SGCZ: variants seen among roughly 807,000 people sequenced by gnomAD.
SGCZ encodes zeta-sarcoglycan.
Under a neutral mutation model 41.3 loss-of-function variants are expected in SGCZ, and 40 were observed. That is an observed-to-expected ratio of 0.97 (90% confidence interval 0.75 to 1.26). The LOEUF is 1.26. Among genes scored for constraint, SGCZ ranks in the 50% most tolerant of loss-of-function variants. The pLI, the probability that SGCZ is intolerant of heterozygous loss-of-function variation, is 0.00. For synonymous variants in SGCZ, 206 were observed against 137.5 expected (o/e 1.50, Z -3.49); for missense variants, 552 against 369.8 (o/e 1.49, Z -4.04).
Position 14,379,985 on chromosome 8 carries a change from G to A in SGCZ, c.235-55781C>T, listed in dbSNP as rs190991920. On this transcript the variant is annotated intron_variant, in intron 2 of 7. Coordinates refer to ENST00000382080, the MANE Select transcript of SGCZ (RefSeq NM_139167.4). Reference sequence around the variant, plus strand: ...CGACCTCAGGTGATCCACCCACCTCGGCCTCCGAAGTGCTGGGATTACAGG... The same window carrying A: ...CGACCTCAGGTGATCCACCCACCTCAGCCTCCGAAGTGCTGGGATTACAGG... Among the ~76,000 whole-genome samples the A allele has an allele frequency of 2.9e-3, 441 of 152,218 alleles. 7 individuals carry two copies. The highest frequency in any genetic ancestry group is 0.026 in the East Asian group (134 of 5,184).
intron 1 of SGCZ, among the ~76,000 whole-genome samples, chr8:14,618,602 C>A (rs1375303312): frequency 1.3e-5 from 2 of 152,052 alleles, no homozygotes; most frequent in African/African-American, 4.8e-5. Flanking sequence ...ATTCAAAAGA[C>A]TTTATCTTTT....
At chr8:14,854,439 T>C (rs1188582817) in intron 1 of SGCZ, among the ~76,000 whole-genome samples, 1 of 152,038 alleles carries the variant, frequency 6.6e-6, no homozygotes, top group East Asian at 1.9e-4. Flanking sequence ...AAGATAAAAA[T>C]ATACACATTT....
At chr8:14,195,787 G>A (rs1805248482) in intron 4 of SGCZ, among the ~76,000 whole-genome samples, 1 of 152,036 alleles carries the variant, frequency 6.6e-6, no homozygotes, top group South Asian at 2.1e-4. Flanking sequence ...AACAATGGAT[G>A]ACTCCCAATT....
chr8:14,287,144 T>TC (rs398112235), intron 3 of SGCZ, among the ~76,000 whole-genome samples: 1 of 151,368 alleles, frequency 6.6e-6, no homozygotes, highest in Non-Finnish European at 1.5e-5. Context: ...CAGTATTTTT[T>TC]AAAGCATATT....
chr8:14,743,272 T>C (rs1799246734), intron 1 of SGCZ, among the ~76,000 whole-genome samples: 1 of 152,048 alleles, frequency 6.6e-6, no homozygotes, highest in African/African-American at 2.4e-5. Flanking sequence ...TTACTGAACA[T>C]GAAAACTATG....
chr8:14,199,241 C>T (rs188074370), intron 4 of SGCZ, among the ~76,000 whole-genome samples: 2 of 152,202 alleles, frequency 1.3e-5, no homozygotes, highest in African/African-American at 2.4e-5. Flanking sequence ...GCTGCTTTGG[C>T]GATGGCTGTC....
chr8:14,736,778 C>T (rs1799047498), intron 1 of SGCZ, among the ~76,000 whole-genome samples: 1 of 152,052 alleles, frequency 6.6e-6, no homozygotes, highest in Non-Finnish European at 1.5e-5. Context: ...TCTCTAATCA[C>T]ATTCAGGTCA....
chr8:14,313,584 C>T (rs1357887091), intron 3 of SGCZ, among the ~76,000 whole-genome samples: 1 of 152,184 alleles, frequency 6.6e-6, no homozygotes, highest in Non-Finnish European at 1.5e-5. Context: ...GGTCCACCTT[C>T]CTTGGCCTCC....
chr8:14,233,000 C>A (rs1418112783), intron 4 of SGCZ, among the ~76,000 whole-genome samples: 1 of 151,990 alleles, frequency 6.6e-6, no homozygotes, highest in Non-Finnish European at 1.5e-5. Flanking sequence ...TTGTTTATGA[C>A]ATAGGGCCCC....
chr8:14,194,313 T>C (rs531992676), intron 4 of SGCZ, among the ~76,000 whole-genome samples: 53 of 152,076 alleles, frequency 3.5e-4, no homozygotes, highest in African/African-American at 1.2e-3. Flanking sequence ...TATTTTTTGA[T>C]GTCTGATTGA....
chr8:14,702,136 C>T (rs1043736469), intron 1 of SGCZ, among the ~76,000 whole-genome samples: 4 of 151,924 alleles, frequency 2.6e-5, no homozygotes, highest in Non-Finnish European at 4.4e-5. Context: ...GATAAATGCT[C>T]AGTGCTCACT....
intron 2 of SGCZ, among the ~76,000 whole-genome samples, chr8:14,456,499 AAAAG>A (rs1284549943): frequency 6.6e-6 from 1 of 152,210 alleles, no homozygotes; most frequent in Non-Finnish European, 1.5e-5. Flanking sequence ...AAAATTTAGA[AAAAG>A]AAAGCAGAGG....
chr8:15,062,516 T>C (rs1804974685), intron 1 of SGCZ, among the ~76,000 whole-genome samples: 2 of 152,176 alleles, frequency 1.3e-5, no homozygotes, highest in Non-Finnish European at 1.5e-5. Flanking sequence ...AATAGTCAAG[T>C]AGTCATTTGA....
chr8:14,953,151 G>C (rs1800692989), intron 1 of SGCZ, among the ~76,000 whole-genome samples: 1 of 152,146 alleles, frequency 6.6e-6, no homozygotes, highest in African/African-American at 2.4e-5. Flanking sequence ...AATCTGTGAA[G>C]AAAAGAGGTT....
chr8:14,330,413 G>A (rs1341031255), intron 2 of SGCZ, among the ~76,000 whole-genome samples: 3 of 152,002 alleles, frequency 2.0e-5, no homozygotes, highest in Non-Finnish European at 4.4e-5. Context: ...TTTAAAAACT[G>A]AAAGTAATCT....
At chr8:15,113,657 C>G (rs986127594) in intron 1 of SGCZ, among the ~76,000 whole-genome samples, 7 of 152,280 alleles carry the variant, frequency 4.6e-5, no homozygotes, top group Admixed American at 3.3e-4. Context: ...TTTCAGTCCC[C>G]CTTCCTCATA....
chr8:14,805,209 G>A (rs1358596763), intron 1 of SGCZ, among the ~76,000 whole-genome samples: 1 of 43,580 alleles, frequency 2.3e-5, no homozygotes, highest in Admixed American at 3.6e-4. Flanking sequence ...ATAATGACAG[G>A]ATCAAATTCA....
At chr8:14,784,305 G>A (rs1800683250) in intron 1 of SGCZ, among the ~76,000 whole-genome samples, 1 of 151,664 alleles carries the variant, frequency 6.6e-6, no homozygotes, top group Non-Finnish European at 1.5e-5. Flanking sequence ...TCCCACTTTG[G>A]CCTCCCAAAT....
intron 4 of SGCZ, among the ~76,000 whole-genome samples, chr8:14,220,945 T>G (rs770356845): frequency 1.3e-5 from 2 of 152,090 alleles, no homozygotes; most frequent in Non-Finnish European, 2.9e-5. Context: ...ATTGTTAAGA[T>G]AACACAATCC....
Sources: gnomAD v4.1 joint callset for allele counts (sites outside exome capture counted in the v4.1 genomes callset) on GRCh38, gnomAD v4.1.1 for gene constraint, MANE v1.5 for transcripts, NCBI Gene and HGNC (gene_info 2026-07-23, HGNC 2026-07-21) for gene names.